VIRMA: variants seen among roughly 807,000 people sequenced by gnomAD.
The protein encoded by VIRMA is vir like m6A methyltransferase associated, also known as protein virilizer homolog.
A neutral mutation model predicts 182.4 loss-of-function variants in VIRMA; 65 were observed. The ratio of observed to expected loss-of-function variants is 0.36; its 90% confidence interval spans 0.29 to 0.44. The LOEUF is 0.44. Among genes scored for constraint, VIRMA ranks in the 20% least tolerant of loss-of-function variants. The probability of loss-of-function intolerance (pLI) is 1.00; values close to 1 mark genes in which losing one functional copy is unlikely to be tolerated. For missense variants in VIRMA, 1,752 were observed against 2,158.1 expected, an observed-to-expected ratio of 0.81 and a Z score of 3.73; for synonymous variants, 709 against 743.1, an observed-to-expected ratio of 0.95 and a Z score of 0.75.
Position 94,511,280 on chromosome 8 carries a change from G to C in VIRMA, c.3295C>G (p.Leu1099Val). Residue 1099 changes from leucine (L) to valine (V), a missense_variant, in exon 13 of 24, where the codon CTT (leucine) becomes GTT (valine). This residue lies in a region of VIRMA where 777 missense variants were observed against 920.6 expected (regional missense o/e 0.84). Coordinates refer to ENST00000297591, the MANE Select transcript of VIRMA (RefSeq NM_015496.5). The part of the protein sequence containing the change: ...NTWSLMLKEV[L>V]SSILKVPEGF... ...TCAGGAACCTTCAAGATTGAAGAAA[G>C]AACTTCTTTTAACATTAAAGACCAA... 3 of 1,613,970 alleles carry C rather than the reference G, an allele frequency of 1.9e-6. No individual in the cohort carries two copies. The highest frequency in any genetic ancestry group is 2.5e-6 in the Non-Finnish European group (3 of 1,179,958).
chr8:94,493,149 A>T (rs1192504428), intron 20 of VIRMA, among the ~76,000 whole-genome samples: 1 of 152,200 alleles, frequency 6.6e-6, no homozygotes, highest in African/African-American at 2.4e-5. Flanking sequence ...CCAAAAAAAG[A>T]ATCTGAAAAT....
rs1338192353 is a variant in VIRMA, at chr8:94,507,980, T to TATAC, written c.3880-1264_3880-1263insGTAT. Among the ~76,000 whole-genome samples, 919 of 142,340 alleles carry TATAC rather than the reference T, an allele frequency of 6.5e-3. 6 individuals are homozygous for TATAC. The highest frequency in any genetic ancestry group is 0.025 in the African/African-American group (851 of 34,066). The allele number at this position is 142,340 out of a possible 152,430, so 93.4% of individuals were successfully genotyped here. ...GTATATACATATGTGTATATATGTA[T>TATAC]ATATGTGTATATATATAAGTATATA... is the stretch of plus-strand genomic sequence containing the variant. On this transcript the variant is annotated intron_variant, in intron 15 of 23. Coordinates refer to ENST00000297591, the MANE Select transcript of VIRMA (RefSeq NM_015496.5).
At chr8:94,527,457 A>G in intron 7 of VIRMA, 94 bp from the exon 8 acceptor site, 1 of 798,560 alleles carries the variant, frequency 1.3e-6, no homozygotes, top group Non-Finnish European at 1.8e-6. Flanking sequence ...ATAAAACATT[A>G]AAAATGATTT....
Position 94,494,977 on chromosome 8 carries a change from G to C in VIRMA, c.4545-21C>G, listed in dbSNP as rs774280486. ...CAGTCCTGGAACAAGAAAAGTATCT[G>C]GTGAAAAGCAGAATTCTAAAATCAA... On this transcript the variant is annotated intron_variant, in intron 19 of 23. Coordinates refer to ENST00000297591, the MANE Select transcript of VIRMA (RefSeq NM_015496.5). The C allele has an allele frequency of 5.4e-6, 8 of 1,480,012 alleles. No homozygotes were observed. In the South Asian group the frequency reaches 9.4e-5, roughly 17 times the overall value. 91.7% of individuals were successfully genotyped at this position (1,480,012 alleles called of 1,614,324 possible).
intron 8 of VIRMA, among the ~76,000 whole-genome samples, chr8:94,525,527 GGA>G (rs1377411912): frequency 1.3e-5 from 2 of 152,112 alleles, no homozygotes; most frequent in Non-Finnish European, 2.9e-5. Context: ...GTTTTAGACT[GGA>G]CACATATCCC....
chr8:94,507,782 C>G (rs1814210508), intron 15 of VIRMA, among the ~76,000 whole-genome samples: 1 of 151,030 alleles, frequency 6.6e-6, no homozygotes, highest in South Asian at 2.1e-4. Flanking sequence ...AAACAAAAAG[C>G]CCCCTGCAAT....
rs1368966079 is a variant in VIRMA at position 94,491,824 on chromosome 8, C to T, written c.4894G>A (p.Gly1632Ser). 5 of 1,613,554 alleles carry T rather than the reference C, an allele frequency of 3.1e-6. No homozygotes were observed. The highest frequency in any genetic ancestry group is 1.1e-5 in the South Asian group (1 of 91,012). The change falls in exon 22 of 24, where the codon GGT becomes AGT. Residue 1632 changes from glycine (G) to serine (S), a missense_variant. Gly to Ser is a moderately conservative substitution (Grantham distance 56). Transcript: ENST00000297591. ...CGAAAAATATCATGAGGTCGTATAC[C>T]CTGTCCAAATCCTCCCCTGCCCCTT... is the stretch of plus-strand genomic sequence containing the variant. ...RGRGRGGFGQ[G>S]IRPHDIFRQR...
chr8:94,532,696 T>C (rs370253558), intron 5 of VIRMA, among the ~76,000 whole-genome samples: 3 of 152,182 alleles, frequency 2.0e-5, no homozygotes, highest in Admixed American at 1.3e-4. Context: ...CCAGGTGTGG[T>C]GGCTCACACC....
rs943493689 is a variant in VIRMA, at chr8:94,496,265, C to T, written c.4383+63G>A. ...TTTTAAAAAAGGTCACTACGAAATA[C>T]TTGTACTAGTCAAACTGAGAGGAAA... On this transcript the variant is annotated intron_variant, in intron 18 of 23. Transcript: ENST00000297591. The T allele has an allele frequency of 1.1e-5, 15 of 1,400,446 alleles. No individual in the cohort carries two copies. In the African/African-American group the frequency reaches 1.6e-4, roughly 15 times the overall value. The allele number at this position is 1,400,446 out of a possible 1,614,324, so 86.8% of individuals were successfully genotyped here. A position where few individuals can be genotyped will look rare whatever the true frequency, so the allele number is the denominator to read the frequency against.
chr8:94,501,588 T>A (rs748638179), intron 16 of VIRMA, among the ~76,000 whole-genome samples: 3 of 152,196 alleles, frequency 2.0e-5, no homozygotes, highest in Non-Finnish European at 4.4e-5. Context: ...AGAGCTGAAT[T>A]TCTCACTGTT....
intron 8 of VIRMA, among the ~76,000 whole-genome samples, chr8:94,525,812 A>AT (rs1298372856): frequency 6.6e-6 from 1 of 152,240 alleles, no homozygotes; most frequent in Non-Finnish European, 1.5e-5. Context: ...GCACTGTAAA[A>AT]TTAAGCTAGT....
At chr8:94,510,927 T>TA in intron 13 of VIRMA, 1 of 1,267,102 alleles carries the variant, frequency 7.9e-7, no homozygotes, top group Non-Finnish European at 1.0e-6. Flanking sequence ...GGAAAGGATT[T>TA]AAAATAACAG....
chr8:94,516,342 C>T lies in VIRMA; in HGVS notation c.2669-1391G>A, dbSNP rs536890411. On this transcript the variant is annotated intron_variant, in intron 10 of 23. Transcript: ENST00000297591. ...TTGCCTTTATAAAATTACTATCACC[C>T]CAAAAGAATGACAGCAAACTTTGTT... Among the ~76,000 whole-genome samples the T allele has an allele frequency of 2.0e-4, 30 of 152,200 alleles. No individual in the cohort carries two copies. In the South Asian group the frequency reaches 6.2e-3, roughly 32 times the overall value.
chr8:94,491,011 T>C (rs1005460002), intron 22 of VIRMA, among the ~76,000 whole-genome samples: 1 of 151,784 alleles, frequency 6.6e-6, no homozygotes, highest in Admixed American at 6.6e-5. Flanking sequence ...TGTATAATTC[T>C]CAATGTAAAA....
chr8:94,522,994 G>A (rs772954365), intron 8 of VIRMA, among the ~76,000 whole-genome samples: 3 of 151,654 alleles, frequency 2.0e-5, no homozygotes, highest in Non-Finnish European at 4.4e-5. Context: ...CCATATGGTG[G>A]GAAAAAAACA....
chr8:94,510,094 A>G (rs1331492158), intron 14 of VIRMA, among the ~76,000 whole-genome samples, 154 bp from the exon 15 acceptor site: 1 of 152,226 alleles, frequency 6.6e-6, no homozygotes, highest in Non-Finnish European at 1.5e-5. Context: ...GAATTTTACA[A>G]TGACTGCAAA....
At chr8:94,510,800 C>T in intron 13 of VIRMA, 148 bp from the exon 14 acceptor site, 1 of 770,822 alleles carries the variant, frequency 1.3e-6, no homozygotes, top group Non-Finnish European at 2.0e-6. Flanking sequence ...TAAACATTTG[C>T]TTGAATTCAA....
chr8:94,501,476 T>C (rs1294091047), intron 16 of VIRMA, among the ~76,000 whole-genome samples: 1 of 152,166 alleles, frequency 6.6e-6, no homozygotes, highest in African/African-American at 2.4e-5. Flanking sequence ...TGTACTCCGA[T>C]TGCTCAATTT....
chr8:94,502,374 T>G (rs1427032731), intron 16 of VIRMA, among the ~76,000 whole-genome samples: 1 of 151,764 alleles, frequency 6.6e-6, no homozygotes, highest in Non-Finnish European at 1.5e-5. Context: ...CACCAAGTAT[T>G]AGTATGAATT....
Sources: gnomAD v4.1 joint callset for allele counts (sites outside exome capture counted in the v4.1 genomes callset) on GRCh38, gnomAD v4.1.1 for gene constraint, gnomAD v4.1.1 regional missense constraint, MANE v1.5 for transcripts, NCBI Gene and HGNC (gene_info 2026-07-23, HGNC 2026-07-21) for gene names.